The following DCAF7 variants were observed in gnomAD, a reference collection of about 807,000 sequenced individuals.
DCAF7 encodes DDB1- and CUL4-associated factor 7.
In DCAF7, 4 loss-of-function variants were observed where a neutral mutation model predicts 41.2. That is an observed-to-expected ratio of 0.10 (90% CI 0.05 to 0.22). The LOEUF (loss-of-function observed/expected upper bound fraction) is 0.22, where lower values mean the gene tolerates loss of function less well. Ranked by LOEUF, DCAF7 falls within the 10% of genes least tolerant of loss-of-function variation. The pLI, the probability that DCAF7 is intolerant of heterozygous loss-of-function variation, is 1.00. For synonymous variants in DCAF7, 143 were observed against 164.2 expected (o/e 0.87, Z 0.99); for missense variants, 131 against 443.2 (o/e 0.30, Z 6.32).
chr17:63,573,292 A>C (rs1184571786), intron 1 of DCAF7: 1 of 152,214 alleles, frequency 6.6e-6, no homozygotes, highest in Non-Finnish European at 1.5e-5. Context: ...TGCAGGGACC[A>C]TGCTAACCTT....
chr17:63,589,805 T>G lies in DCAF7; in HGVS notation c.*633T>G, dbSNP rs1198527502. The G allele has an allele frequency of 6.1e-6, 1 of 163,898 alleles. No homozygotes were observed. Among genetic ancestry groups the G allele is most frequent in the East Asian group, 1.8e-4 (1 of 5,572 alleles). The allele number at this position is 163,898 out of a possible 1,614,324, so 10.2% of individuals were successfully genotyped here. On this transcript the variant is annotated 3_prime_UTR_variant, in exon 7 of 7. Transcript: ENST00000614556. ...CCCCTGGCCCCATGAGCAGTTTGCC[T>G]TCTTGAGTCACTGCCTGTGTAGTAC...
chr17:63,568,121 A>G (rs140716882), intron 1 of DCAF7, among the ~76,000 whole-genome samples: 4,047 of 152,008 alleles, frequency 0.027, 166 homozygotes, highest in African/African-American at 0.092. Context: ...CCTGGGTTCA[A>G]GCGATTCTCC....
At chr17:63,557,273 A>G (rs1315076360) in intron 1 of DCAF7, among the ~76,000 whole-genome samples, 1 of 152,232 alleles carries the variant, frequency 6.6e-6, no homozygotes, top group Admixed American at 6.5e-5. Context: ...GAGAAAATAT[A>G]ACATCAGCTG....
At chr17:63,558,107 C>G (rs753637935) in intron 1 of DCAF7, among the ~76,000 whole-genome samples, 2 of 152,158 alleles carry the variant, frequency 1.3e-5, no homozygotes, top group Non-Finnish European at 2.9e-5. Flanking sequence ...GTTGCCCAGG[C>G]TGGTCTCAAA....
At chr17:63,587,231 C>G (rs990393181) in intron 6 of DCAF7, among the ~76,000 whole-genome samples, 23 of 152,208 alleles carry the variant, frequency 1.5e-4, no homozygotes, top group African/African-American at 5.3e-4. Context: ...TTTTGGCCCT[C>G]TGCTCATGCC....
At chr17:63,561,804 T>G (rs1310834390) in intron 1 of DCAF7, among the ~76,000 whole-genome samples, 2 of 151,860 alleles carry the variant, frequency 1.3e-5, no homozygotes, top group Non-Finnish European at 2.9e-5. Context: ...TTACAAAAAC[T>G]GTGTATTTAG....
At chr17:63,552,166 T>C (rs1190962693) in intron 1 of DCAF7, among the ~76,000 whole-genome samples, 2 of 152,198 alleles carry the variant, frequency 1.3e-5, no homozygotes, top group Non-Finnish European at 2.9e-5. Flanking sequence ...ATTGACTAGC[T>C]GTGAGATGTT....
Position 63,554,575 on chromosome 17 carries a change from C to G in DCAF7, c.138+3760C>G, listed in dbSNP as rs150969508. Among the ~76,000 whole-genome samples the G allele has an allele frequency of 1.1e-3, 168 of 152,376 alleles. 1 individual carries two copies. Among genetic ancestry groups the G allele is most frequent in the African/African-American group, 4.0e-3 (165 of 41,592 alleles). ...GTGATTAGCCTGGGTTATCTAAGTC[C>G]TGCCACTTCCCAGTTTTGTATTGCC... On this transcript the variant is annotated intron_variant, in intron 1 of 6. Coordinates refer to ENST00000614556, the MANE Select transcript of DCAF7 (RefSeq NM_005828.5).
At chr17:63,559,373 ATG>A (rs556539748) in intron 1 of DCAF7, among the ~76,000 whole-genome samples, 28 of 82,116 alleles carry the variant, frequency 3.4e-4, no homozygotes, top group Admixed American at 2.7e-3. Flanking sequence ...GTATATATAT[ATG>A]TGTATATATA....
chr17:63,578,608 G>GTGGAGGGTA lies in DCAF7; in HGVS notation c.277_278insTGGAGGGTA (p.Asp93delinsValGluGlyAsn), dbSNP rs1489803429. ...TCCAGACCTACTGGCAACAAGCGGT[G>GTGGAGGGTA]ACTATCTCCGTGTGTGGAGGGTAAG... On this transcript the variant is annotated protein_altering_variant, in exon 2 of 7. Coordinates refer to ENST00000614556, the MANE Select transcript of DCAF7 (RefSeq NM_005828.5). The GTGGAGGGTA allele has an allele frequency of 6.2e-7, 1 of 1,614,030 alleles. No individual in the cohort carries two copies. Among genetic ancestry groups the GTGGAGGGTA allele is most frequent in the East Asian group, 2.2e-5 (1 of 44,892 alleles).
chr17:63,588,218 C>T (rs2033698494), intron 6 of DCAF7, among the ~76,000 whole-genome samples: 3 of 120,234 alleles, frequency 2.5e-5, no homozygotes, highest in African/African-American at 1.7e-4. Context: ...GATGAAGTCT[C>T]ACTCTGTCAC....
chr17:63,570,269 C>T (rs138623308), intron 1 of DCAF7, among the ~76,000 whole-genome samples: 1,763 of 151,984 alleles, frequency 0.012, 31 homozygotes, highest in African/African-American at 0.039. Context: ...GCCTGGGCAA[C>T]GCAGCAAAAC....
At chr17:63,580,580 G>A (rs780276089) in intron 4 of DCAF7, among the ~76,000 whole-genome samples, 2 of 137,044 alleles carry the variant, frequency 1.5e-5, no homozygotes, top group East Asian at 2.2e-4. Flanking sequence ...GTGCAATGGC[G>A]CAATCTGGGC....
At chr17:63,588,924 T>G in intron 6 of DCAF7, 76 bp from the exon 7 acceptor site, 2 of 1,471,594 alleles carry the variant, frequency 1.4e-6, no homozygotes, top group Non-Finnish European at 1.8e-6. Flanking sequence ...AAACTGTGAC[T>G]TGCTCCTGAA....
At chr17:63,568,957 C>A (rs1785931696) in intron 1 of DCAF7, among the ~76,000 whole-genome samples, 1 of 152,196 alleles carries the variant, frequency 6.6e-6, no homozygotes, top group East Asian at 1.9e-4. Context: ...ATTCCAAATG[C>A]TTAGGAGTGA....
intron 1 of DCAF7, among the ~76,000 whole-genome samples, chr17:63,556,764 G>A (rs2033315673): frequency 6.6e-6 from 1 of 152,198 alleles, no homozygotes; most frequent in African/African-American, 2.4e-5. Context: ...CTACTTGGGA[G>A]GCTGAGGCAG....
At chr17:63,561,733 GT>G (rs1318304773) in intron 1 of DCAF7, among the ~76,000 whole-genome samples, 1 of 151,880 alleles carries the variant, frequency 6.6e-6, no homozygotes, top group Non-Finnish European at 1.5e-5. Flanking sequence ...AGAAGAAAAT[GT>G]GTTATAAGTA....
chr17:63,562,820 T>G (rs1257074593), intron 1 of DCAF7, among the ~76,000 whole-genome samples: 2 of 131,150 alleles, frequency 1.5e-5, no homozygotes, highest in Non-Finnish European at 3.2e-5. Context: ...AGAAAATATT[T>G]TCTTTTTTTT....
intron 1 of DCAF7, among the ~76,000 whole-genome samples, chr17:63,568,757 G>A (rs181663105): frequency 1.3e-5 from 2 of 152,308 alleles, no homozygotes; most frequent in East Asian, 3.9e-4. Flanking sequence ...GACCCGGCCA[G>A]TGGAAAGCTG....
Sources: allele counts gnomAD v4.1 joint callset (sites outside exome capture counted in the v4.1 genomes callset), GRCh38; gene constraint gnomAD v4.1.1; transcripts MANE v1.5; gene names NCBI Gene and HGNC (gene_info 2026-07-23, HGNC 2026-07-21).